Variants in MYO16 observed in about 807,000 individuals in gnomAD.
MYO16 encodes the protein myosin XVI, also known as unconventional myosin-XVI.
Under a neutral mutation model 205.3 loss-of-function variants are expected in MYO16, and 94 were observed. The ratio of observed to expected loss-of-function variants is 0.46; its 90% CI spans 0.39 to 0.54. The LOEUF is 0.54. Ranked by LOEUF, MYO16 falls within the 20% of genes least tolerant of loss-of-function variation. The pLI is 0.00. For synonymous variants in MYO16, 988 were observed against 954.0 expected, an observed-to-expected ratio of 1.04 and a Z score of -0.66; for missense variants, 2,315 against 2,387.5, an observed-to-expected ratio of 0.97 and a Z score of 0.63.
intron 4 of MYO16, among the ~76,000 whole-genome samples, chr13:108,747,481 TA>T (rs1294004024): frequency 6.6e-6 from 1 of 152,160 alleles, no homozygotes; most frequent in Non-Finnish European, 1.5e-5. Flanking sequence ...TTGGATTAGT[TA>T]AAAATGTATA....
Position 108,964,793 on chromosome 13 carries a change from A to G in MYO16, c.2260A>G (p.Ile754Val). 1.9e-6 allele frequency: 3 copies of G among 1,614,068 alleles called. No homozygotes were observed. The highest frequency in any genetic ancestry group is 2.5e-6 in the Non-Finnish European group (3 of 1,179,994). The change falls in exon 20 of 35, where the codon ATT (isoleucine) becomes GTT (valine). Residue 754 changes from isoleucine to valine, a missense_variant. Ile to Val is a conservative substitution (Grantham distance 29, BLOSUM62 3). Transcript: ENST00000457511. ...GATAATACGACGACATACCATACAG[A>G]TTGCTGAGTTTTTCCGAGACCTCTT... ...DMIIRRHTIQ[I>V]AEFFRDLLAK...
In MYO16 at chr13:109,141,400, A is replaced by C; in HGVS notation, c.5164+24A>C. On this transcript the variant is annotated intron_variant, in intron 32 of 34. Coordinates refer to ENST00000457511, the MANE Select transcript of MYO16 (RefSeq NM_001198950.3). This position sits in a 1 kb window ranked among gnomAD's most constrained non-coding sequence, Gnocchi z 4.1. ...AGGTAAGCGGAGCAGACATCCCCCC[A>C]CTCCTTTTGCATGGACGCTGTGCTT... The C allele has an allele frequency of 7.1e-7, 1 of 1,412,902 alleles. No homozygotes were observed. Among genetic ancestry groups the C allele is most frequent in the Non-Finnish European group, 9.4e-7 (1 of 1,069,340 alleles). The allele number at this position is 1,412,902 out of a possible 1,614,324, so 87.5% of individuals were successfully genotyped here.
intron 4 of MYO16, among the ~76,000 whole-genome samples, chr13:108,783,470 C>T (rs996337802): frequency 2.0e-5 from 3 of 152,132 alleles, no homozygotes; most frequent in African/African-American, 7.2e-5. Flanking sequence ...TCAGATGAAA[C>T]TTTGGACTGT....
chr13:108,800,881 G>A (rs1463582757), intron 6 of MYO16, among the ~76,000 whole-genome samples: 1 of 151,782 alleles, frequency 6.6e-6, no homozygotes, highest in African/African-American at 2.4e-5. Context: ...CAAATACAAG[G>A]GTAAGATAAT....
Position 109,179,660 on chromosome 13 carries a change from G to T in MYO16, c.5415+27G>T, listed in dbSNP as rs559200731. ...TAATGATGTCTGTCTGTTCACATGT[G>T]CAGTGACAAATGGAATTAAGTTATG... On this transcript the variant is annotated intron_variant, in intron 34 of 34. Transcript: ENST00000457511. 14 of 1,546,526 alleles carry T rather than the reference G, an allele frequency of 9.1e-6. No homozygotes were observed. In the East Asian group the frequency reaches 2.7e-4, roughly 30 times the overall value.
intron 15 of MYO16, among the ~76,000 whole-genome samples, chr13:108,904,471 C>A (rs563296738): frequency 9.3e-4 from 141 of 152,168 alleles, no homozygotes; most frequent in African/African-American, 3.2e-3. Context: ...TGAATCCCTA[C>A]AAATTTGTAT....
chr13:108,961,125 C>CA (rs1425426141), intron 17 of MYO16, among the ~76,000 whole-genome samples: 2 of 152,106 alleles, frequency 1.3e-5, no homozygotes, highest in African/African-American at 4.8e-5. Context: ...GAAGCGGCCA[C>CA]AGCAACTGCA....
intron 1 of MYO16, among the ~76,000 whole-genome samples, chr13:108,664,760 A>G (rs1159789593): frequency 1.3e-5 from 2 of 152,192 alleles, no homozygotes; most frequent in Non-Finnish European, 2.9e-5. Context: ...TTTTCTGCCA[A>G]TAGTAAAATT....
chr13:108,539,754 T>C, the MYO16 span, among the ~76,000 whole-genome samples: 1 of 152,104 alleles, frequency 6.6e-6, no homozygotes, highest in South Asian at 2.1e-4. Context: ...CAATTTCTGA[T>C]TTTGCTCTGT....
At chr13:108,815,856 C>T (rs1156358832) in intron 7 of MYO16, among the ~76,000 whole-genome samples, 1 of 152,140 alleles carries the variant, frequency 6.6e-6, no homozygotes, top group Non-Finnish European at 1.5e-5. Flanking sequence ...AAGACACAGA[C>T]TATTTTCAAG....
intron 21 of MYO16, among the ~76,000 whole-genome samples, chr13:108,994,480 C>A (rs1330201088): frequency 6.6e-6 from 1 of 152,036 alleles, no homozygotes; most frequent in Non-Finnish European, 1.5e-5. Context: ...TTGACGAGTG[C>A]AAATTTGCAT....
At chr13:108,879,667 T>C (rs1323041338) in intron 12 of MYO16, among the ~76,000 whole-genome samples, 5 of 152,208 alleles carry the variant, frequency 3.3e-5, no homozygotes, top group Non-Finnish European at 7.3e-5. Flanking sequence ...CAGCTTCATC[T>C]ATGTCCCTAC....
intron 1 of MYO16, among the ~76,000 whole-genome samples, chr13:108,664,860 G>A (rs1031083186): frequency 6.6e-6 from 1 of 151,962 alleles, no homozygotes; most frequent in Non-Finnish European, 1.5e-5. Context: ...GAAACAAGGG[G>A]GATATTTTAA....
At chr13:108,579,935 G>A in the MYO16 span, among the ~76,000 whole-genome samples, 2 of 152,162 alleles carry the variant, frequency 1.3e-5, no homozygotes, top group African/African-American at 2.4e-5. Context: ...ACCATTTGGA[G>A]TTTAGGTGAT....
chr13:108,975,602 G>A (rs1305372203), intron 20 of MYO16, among the ~76,000 whole-genome samples: 2 of 152,236 alleles, frequency 1.3e-5, no homozygotes, highest in South Asian at 2.1e-4. Context: ...TCAAAAGGGT[G>A]TAAACACCTC....
At chr13:108,505,764 A>T in the MYO16 span, among the ~76,000 whole-genome samples, 19,284 of 152,018 alleles carry the variant, frequency 0.13, 1,376 homozygotes, top group East Asian at 0.23. Context: ...CAAGGTTTTC[A>T]TCATATGTTT....
intron 27 of MYO16, among the ~76,000 whole-genome samples, chr13:109,081,944 A>G (rs565877161): frequency 6.6e-6 from 1 of 152,298 alleles, no homozygotes; most frequent in African/African-American, 2.4e-5. Flanking sequence ...CCTGTTTTTT[A>G]AATAAAGTTT....
chr13:108,577,864 C>T, the MYO16 span, among the ~76,000 whole-genome samples: 12 of 152,224 alleles, frequency 7.9e-5, no homozygotes, highest in African/African-American at 2.9e-4. Flanking sequence ...CCCTTTTACC[C>T]CACCCCGATA....
In MYO16 at chr13:109,077,084, A is replaced by G. The variant is rs189798899; in HGVS notation, c.3335+21489A>G. Among the ~76,000 whole-genome samples the G allele has an allele frequency of 3.3e-5, 5 of 151,728 alleles. No individual in the cohort carries two copies. In the East Asian group the frequency reaches 7.7e-4, roughly 23 times the overall value. ...ACCCAGGCTGAAATATGGTGGCACAATCTCGGCTCACTGCAGCCTCCATCT... is the reference window on the plus strand; with the variant it reads ...ACCCAGGCTGAAATATGGTGGCACAGTCTCGGCTCACTGCAGCCTCCATCT... On this transcript the variant is annotated intron_variant, in intron 27 of 34. Transcript: ENST00000457511.
Sources: allele counts gnomAD v4.1 joint callset (sites outside exome capture counted in the v4.1 genomes callset), GRCh38; gene constraint gnomAD v4.1.1; non-coding constraint Gnocchi (gnomAD v3.1); transcripts MANE v1.5; gene names NCBI Gene and HGNC (gene_info 2026-07-23, HGNC 2026-07-21).